The following PPFIA2 variants were observed in gnomAD, a reference collection of about 807,000 sequenced individuals.
The protein encoded by PPFIA2 is liprin-alpha-2.
Under a neutral mutation model 175.5 loss-of-function variants are expected in PPFIA2, and 46 were observed. The ratio of observed to expected loss-of-function variants is 0.26; its 90% CI spans 0.21 to 0.34. The LOEUF (loss-of-function observed/expected upper bound fraction) is 0.34, where lower values mean the gene tolerates loss of function less well. Among genes scored for constraint, PPFIA2 ranks in the 10% least tolerant of loss-of-function variants. The probability of loss-of-function intolerance (pLI) is 1.00; values close to 1 mark genes in which losing one functional copy is unlikely to be tolerated. For missense variants in PPFIA2, 1,179 were observed against 1,506.1 expected (o/e 0.78, Z 3.60); for synonymous variants, 568 against 511.4 (o/e 1.11, Z -1.49).
At chr12:81,574,448 C>G (rs1353295397) in intron 4 of PPFIA2, among the ~76,000 whole-genome samples, 5 of 151,302 alleles carry the variant, frequency 3.3e-5, no homozygotes, top group Admixed American at 6.6e-5. Context: ...TACAAAAATC[C>G]CATAAAATAG....
At chr12:81,554,734 A>C (rs1350164450) in intron 4 of PPFIA2, among the ~76,000 whole-genome samples, 3 of 152,100 alleles carry the variant, frequency 2.0e-5, no homozygotes, top group Non-Finnish European at 4.4e-5. Flanking sequence ...AAGGGAACAT[A>C]ATTCTTGATC....
At chr12:81,698,831 T>C (rs2076182450) in intron 3 of PPFIA2, among the ~76,000 whole-genome samples, 1 of 152,020 alleles carries the variant, frequency 6.6e-6, no homozygotes, top group Admixed American at 6.6e-5. Context: ...TTGATTTTTC[T>C]CCTTTAAAGT....
chr12:81,667,328 G>T (rs552082190), intron 4 of PPFIA2, among the ~76,000 whole-genome samples: 2 of 152,116 alleles, frequency 1.3e-5, no homozygotes, highest in Middle Eastern at 3.4e-3. Flanking sequence ...GGCTTCATAG[G>T]TTGCACCAAT....
chr12:81,711,467 C>A (rs2077906330), intron 3 of PPFIA2, among the ~76,000 whole-genome samples: 1 of 151,224 alleles, frequency 6.6e-6, no homozygotes, highest in African/African-American at 2.4e-5. Flanking sequence ...TACTATCTAT[C>A]TATTTATCTA....
intron 4 of PPFIA2, among the ~76,000 whole-genome samples, chr12:81,594,435 C>T (rs2059023501): frequency 6.6e-6 from 1 of 152,132 alleles, no homozygotes; most frequent in Non-Finnish European, 1.5e-5. Context: ...AATAATTCTT[C>T]TATGGGCCCA....
intron 23 of PPFIA2, chr12:81,296,741 C>A (rs927153622): frequency 6.6e-6 from 1 of 151,470 alleles, no homozygotes; most frequent in South Asian, 2.1e-4. Flanking sequence ...AATCAGAAGA[C>A]CTGAGCCCTA....
At chr12:81,523,201 A>G (rs2063355281) in intron 4 of PPFIA2, among the ~76,000 whole-genome samples, 3 of 152,208 alleles carry the variant, frequency 2.0e-5, no homozygotes, top group Admixed American at 2.0e-4. Flanking sequence ...GTTTTGCTAA[A>G]TAGCTAAATA....
intron 4 of PPFIA2, among the ~76,000 whole-genome samples, chr12:81,561,172 A>C (rs1273268382): frequency 1.3e-5 from 2 of 152,188 alleles, no homozygotes; most frequent in East Asian, 1.9e-4. Flanking sequence ...AGAAGAAAGA[A>C]AGACCCAGGC....
chr12:81,376,886 T>G (rs945041665), intron 9 of PPFIA2, among the ~76,000 whole-genome samples: 1 of 152,128 alleles, frequency 6.6e-6, no homozygotes, highest in Non-Finnish European at 1.5e-5. Flanking sequence ...GTCACTCTCC[T>G]ACAGGGTCCA....
At chr12:81,403,665 A>G (rs1368525331) in intron 8 of PPFIA2, among the ~76,000 whole-genome samples, 1 of 152,184 alleles carries the variant, frequency 6.6e-6, no homozygotes, top group Non-Finnish European at 1.5e-5. Context: ...AAATGGCAGC[A>G]TTTAACTGGT....
chr12:81,593,782 C>CT (rs1214243711), intron 4 of PPFIA2, among the ~76,000 whole-genome samples: 2 of 152,222 alleles, frequency 1.3e-5, no homozygotes, highest in East Asian at 1.9e-4. Flanking sequence ...ATGCAAACAA[C>CT]TTTTTTAGGA....
At chr12:81,554,028 T>C (rs946811793) in intron 4 of PPFIA2, among the ~76,000 whole-genome samples, 3 of 151,966 alleles carry the variant, frequency 2.0e-5, no homozygotes, top group African/African-American at 2.4e-5. Context: ...ACAACTTTTT[T>C]TTGCTAGAAA....
At chr12:81,429,613 A>G (rs1359814606) in intron 7 of PPFIA2, among the ~76,000 whole-genome samples, 1 of 152,052 alleles carries the variant, frequency 6.6e-6, no homozygotes, top group Non-Finnish European at 1.5e-5. Flanking sequence ...CTACTCATGG[A>G]TTTCAGAAGT....
rs900907064 is a variant in PPFIA2, at chr12:81,516,079, T to C, written c.304-58213A>G. Among the ~76,000 whole-genome samples, 7 of 152,102 alleles carry C rather than the reference T, an allele frequency of 4.6e-5. No individual in the cohort carries two copies. The East Asian group carries it at 9.6e-4, about 21-fold the overall frequency. On this transcript the variant is annotated intron_variant, in intron 4 of 32. Transcript: ENST00000549396. ...ATGTTCTCCAAATTTATAATTCTTA[T>C]ATAGCTTTTCTATTTGGGGAAGAGT...
At chr12:81,402,126 A>G (rs2142774875) in intron 8 of PPFIA2, among the ~76,000 whole-genome samples, 1 of 152,236 alleles carries the variant, frequency 6.6e-6, no homozygotes, top group South Asian at 2.1e-4. Flanking sequence ...TGACTGTGTA[A>G]CTTAAGCAAA....
At chr12:81,436,178 G>A (rs2048955495) in intron 7 of PPFIA2, among the ~76,000 whole-genome samples, 2 of 150,666 alleles carry the variant, frequency 1.3e-5, no homozygotes, top group African/African-American at 4.9e-5. Flanking sequence ...CTACTCGTAA[G>A]GCTGAGGCTT....
chr12:81,585,079 TA>T (rs1251189978), intron 4 of PPFIA2, among the ~76,000 whole-genome samples: 90 of 122,746 alleles, frequency 7.3e-4, no homozygotes, highest in East Asian at 3.9e-3. Context: ...ATAAATATAA[TA>T]TATATAATAT....
chr12:81,665,455 T>C (rs374480632), intron 4 of PPFIA2, among the ~76,000 whole-genome samples: 2 of 152,082 alleles, frequency 1.3e-5, no homozygotes, highest in Non-Finnish European at 2.9e-5. Context: ...TGAAAGTTCC[T>C]ATTTCTTTGC....
At chr12:81,508,009 T>C (rs142939629) in intron 4 of PPFIA2, among the ~76,000 whole-genome samples, 2 of 152,162 alleles carry the variant, frequency 1.3e-5, no homozygotes, top group African/African-American at 4.8e-5. Flanking sequence ...CCAAAGAGTA[T>C]CTACTCCTAC....
Sources: allele counts gnomAD v4.1 joint callset (sites outside exome capture counted in the v4.1 genomes callset), GRCh38; gene constraint gnomAD v4.1.1; transcripts MANE v1.5; gene names NCBI Gene and HGNC (gene_info 2026-07-23, HGNC 2026-07-21).